The following PIK3CD variants were observed in gnomAD, a reference collection of about 807,000 sequenced individuals.
PIK3CD encodes the protein phosphatidylinositol-4,5-bisphosphate 3-kinase catalytic subunit delta, also known as phosphatidylinositol 4,5-bisphosphate 3-kinase catalytic subunit delta isoform.
Under a neutral mutation model 122.9 loss-of-function variants are expected in PIK3CD, and 20 were observed. That is an observed-to-expected ratio of 0.16 (90% CI 0.11 to 0.24). The LOEUF (loss-of-function observed/expected upper bound fraction) is 0.24, where lower values mean the gene tolerates loss of function less well. Ranked by LOEUF, PIK3CD falls within the 10% of genes least tolerant of loss-of-function variation. The pLI, the probability that PIK3CD is intolerant of heterozygous loss-of-function variation, is 1.00. For missense variants in PIK3CD, 787 were observed against 1,406.3 expected, an observed-to-expected ratio of 0.56 and a Z score of 7.04; for synonymous variants, 596 against 593.4, an observed-to-expected ratio of 1.00 and a Z score of -0.06.
In PIK3CD at chr1:9,697,558, T is replaced by TA. The variant is rs200511192; in HGVS notation, c.-33+6001dup. On this transcript the variant is annotated intron_variant, in intron 2 of 23. Coordinates refer to ENST00000377346, the MANE Select transcript of PIK3CD (RefSeq NM_005026.5). ...AACAAAATTGTATTTCATTATTATT[T>TA]AAAAAAAAAAAAAAGTTTTTTTTTA... Among the ~76,000 whole-genome samples, 854 of 139,524 alleles carry TA rather than the reference T, an allele frequency of 6.1e-3. 7 individuals carry two copies. The highest frequency in any genetic ancestry group is 0.033 in the South Asian group (144 of 4,364). The allele number at this position is 139,524 out of a possible 152,430, so 91.5% of individuals were successfully genotyped here.
chr1:9,681,831 A>C (rs913030946), intron 1 of PIK3CD, among the ~76,000 whole-genome samples: 2 of 152,210 alleles, frequency 1.3e-5, no homozygotes, highest in Non-Finnish European at 2.9e-5. Flanking sequence ...GGACGGAAGT[A>C]ACTGAATGTA....
At chr1:9,721,688 C>A (rs113680056) in intron 15 of PIK3CD, 73 bp from the exon 16 acceptor site, 1 of 1,600,876 alleles carries the variant, frequency 6.2e-7, no homozygotes, top group East Asian at 2.2e-5. Flanking sequence ...GTCCTGGCCT[C>A]GCTAGGTCCT....
the PIK3CD span, among the ~76,000 whole-genome samples, chr1:9,646,035 G>A: frequency 7.4e-4 from 113 of 152,186 alleles, 1 homozygote; most frequent in South Asian, 2.1e-3. Flanking sequence ...GCCTCCCAAA[G>A]TGCTGGGATT....
intron 1 of PIK3CD, among the ~76,000 whole-genome samples, chr1:9,669,276 C>T (rs918510524): frequency 6.6e-6 from 1 of 152,084 alleles, no homozygotes; most frequent in African/African-American, 2.4e-5. Context: ...TCAAGTGATC[C>T]GCCCACCTAG....
rs909227702 is a variant in PIK3CD at position 9,715,410 on chromosome 1, C to A, written c.142-131C>A. The A allele has an allele frequency of 8.1e-6, 6 of 740,012 alleles. No homozygotes were observed. Among genetic ancestry groups the A allele is most frequent in the African/African-American group, 5.2e-5 (3 of 57,944 alleles). The allele number at this position is 740,012 out of a possible 1,614,324, so 45.8% of individuals were successfully genotyped here. A position where few individuals can be genotyped will look rare whatever the true frequency, so the allele number is the denominator to read the frequency against. The stretch of plus-strand genomic sequence containing the variant: ...CCAGGGGGCTGCAGAGAGTGCAGAT[C>A]TTGGGGTCTGCCTCTGCCCTCTGGG... On this transcript the variant is annotated intron_variant, in intron 3 of 23. Coordinates refer to ENST00000377346, the MANE Select transcript of PIK3CD (RefSeq NM_005026.5). This position sits in a 1 kb window ranked among gnomAD's most constrained non-coding sequence, Gnocchi z 4.1.
chr1:9,677,875 G>A (rs1432178846), intron 1 of PIK3CD, among the ~76,000 whole-genome samples: 1 of 151,996 alleles, frequency 6.6e-6, no homozygotes, highest in Non-Finnish European at 1.5e-5. Flanking sequence ...TCTGGGCCGG[G>A]CGTGGTGGCT....
chr1:9,639,655 T>C, the PIK3CD span, among the ~76,000 whole-genome samples: 1 of 152,222 alleles, frequency 6.6e-6, no homozygotes, highest in Admixed American at 6.5e-5. Context: ...TTCTGGAGTT[T>C]TGCGCCTCCC....
upstream of PIK3CD, among the ~76,000 whole-genome samples, chr1:9,649,652 A>T (rs573076002): frequency 4.6e-5 from 7 of 152,306 alleles, no homozygotes; most frequent in Admixed American, 3.9e-4. Context: ...TCATCTGTCC[A>T]AGGGACCAAT....
chr1:9,701,295 C>G (rs917141723), intron 2 of PIK3CD, among the ~76,000 whole-genome samples: 2 of 152,090 alleles, frequency 1.3e-5, no homozygotes, highest in Non-Finnish European at 2.9e-5. Flanking sequence ...CCCTGCACCT[C>G]GTGTAATTTC....
Position 9,720,376 on chromosome 1 carries a change from G to A in PIK3CD, c.1470+134G>A, listed in dbSNP as rs1648337827. On this transcript the variant is annotated intron_variant, in intron 11 of 23. Coordinates refer to ENST00000377346, the MANE Select transcript of PIK3CD (RefSeq NM_005026.5). The surrounding 1 kb of genome is among the most constrained non-coding windows in gnomAD (Gnocchi z 9.0). The stretch of plus-strand genomic sequence containing the variant: ...ACCAGGCATATCTGGGGCCTTCCCA[G>A]GGGCCATTTTGCCTGCAGGGATGCT... 1 of 1,391,220 alleles carries A rather than the reference G, an allele frequency of 7.2e-7. No individual in the cohort carries two copies. Among genetic ancestry groups the A allele is most frequent in the Admixed American group, 2.5e-5 (1 of 39,284 alleles). The allele number at this position is 1,391,220 out of a possible 1,614,324, so 86.2% of individuals were successfully genotyped here. A position where few individuals can be genotyped will look rare whatever the true frequency, so the allele number is the denominator to read the frequency against.
At chr1:9,688,489 GC>G (rs983473579) in intron 1 of PIK3CD, among the ~76,000 whole-genome samples, 1 of 152,190 alleles carries the variant, frequency 6.6e-6, no homozygotes, top group African/African-American at 2.4e-5. Flanking sequence ...TGCCCGCCTA[GC>G]TTCGGCTTCC....
intron 2 of PIK3CD, among the ~76,000 whole-genome samples, chr1:9,692,368 C>T (rs1188335120): frequency 6.6e-6 from 1 of 152,228 alleles, no homozygotes; most frequent in East Asian, 1.9e-4. Context: ...ACCTCAGCCT[C>T]ATTTTCTCTA....
At chr1:9,668,742 T>C (rs1645236881) in intron 1 of PIK3CD, among the ~76,000 whole-genome samples, 2 of 152,206 alleles carry the variant, frequency 1.3e-5, no homozygotes, top group Non-Finnish European at 2.9e-5. Context: ...TAGAGGTAGA[T>C]GGTCCCAGAA....
chr1:9,695,638 T>TC (rs1352306582), intron 2 of PIK3CD, among the ~76,000 whole-genome samples: 2 of 152,048 alleles, frequency 1.3e-5, no homozygotes, highest in East Asian at 3.9e-4. Flanking sequence ...GGTCAGGAGT[T>TC]CAAGACCAGC....
intron 2 of PIK3CD, chr1:9,692,067 G>C (rs779401196): frequency 6.6e-6 from 1 of 152,318 alleles, no homozygotes; most frequent in Non-Finnish European, 1.5e-5. Context: ...GAGTTTCTAG[G>C]ACATTAGCTT....
At chr1:9,637,938 T>C in the PIK3CD span, among the ~76,000 whole-genome samples, 1 of 151,806 alleles carries the variant, frequency 6.6e-6, no homozygotes, top group Non-Finnish European at 1.5e-5. Flanking sequence ...ACCCTGTCTC[T>C]ACTAAAAATA....
At position 9,724,384 on chromosome 1, in the gene PIK3CD, C is replaced by T; in HGVS notation, c.2827C>T (p.Gln943Ter). Residue 943 changes from glutamine to a stop codon, truncating the protein, a stop_gained, in exon 22 of 24, where the codon CAG becomes TAG. Coordinates refer to ENST00000377346, the MANE Select transcript of PIK3CD (RefSeq NM_005026.5). LOFTEE classifies it high-confidence loss of function. This position sits in a 1 kb window ranked among gnomAD's most constrained non-coding sequence, Gnocchi z 7.3. ...CACCTACGACTTTGTCCATGTGATT[C>T]AGCAGGGGAAGACTAATAATAGTGA... Reference protein sequence around the residue: ...ILTYDFVHVIQQGKTNNSEKF... With the variant: ...ILTYDFVHVI 6.2e-7 allele frequency: 1 copy of T among 1,614,122 alleles called. No homozygotes were observed. Among genetic ancestry groups the T allele is most frequent in the Non-Finnish European group, 8.5e-7 (1 of 1,180,018 alleles).
rs1274566720 is a variant in PIK3CD, at chr1:9,716,015, G to A, written c.537G>A (p.Gly179=). Residue 179 remains glycine, a synonymous_variant, in exon 5 of 24, where the codon GGG becomes GGA. Coordinates refer to ENST00000377346, the MANE Select transcript of PIK3CD (RefSeq NM_005026.5). ...TGGAGCCCTCGGCTCAAACCTGGGG[G>A]CCTGGTACCCTGCGGCTCCCGAACC... ...LQLEPSAQTW[G]PGTLRLPNRA... 2 of 1,612,706 alleles carry A rather than the reference G, an allele frequency of 1.2e-6. No individual in the cohort carries two copies. The highest frequency in any genetic ancestry group is 2.2e-5 in the East Asian group (1 of 44,878).
At chr1:9,725,409 T>G (rs1245239495) in intron 23 of PIK3CD, among the ~76,000 whole-genome samples, 1 of 151,576 alleles carries the variant, frequency 6.6e-6, no homozygotes, top group African/African-American at 2.4e-5. Context: ...CAAAATTAGC[T>G]GGGCATGGTG....
Sources: gnomAD v4.1 joint callset for allele counts (sites outside exome capture counted in the v4.1 genomes callset) on GRCh38, gnomAD v4.1.1 for gene constraint, Gnocchi (gnomAD v3.1) non-coding constraint, MANE v1.5 for transcripts, NCBI Gene and HGNC (gene_info 2026-07-23, HGNC 2026-07-21) for gene names.